GRM5: variants seen among roughly 807,000 people sequenced by gnomAD.
The protein encoded by GRM5 is glutamate metabotropic receptor 5, also known as metabotropic glutamate receptor 5.
A neutral mutation model predicts 83.1 loss-of-function variants in GRM5; 19 were observed. The ratio of observed to expected loss-of-function variants is 0.23; its 90% confidence interval spans 0.16 to 0.34. The LOEUF (loss-of-function observed/expected upper bound fraction) is 0.34. Ranked by LOEUF, GRM5 falls within the 10% of genes least tolerant of loss-of-function variation. The pLI, the probability that GRM5 is intolerant of heterozygous loss-of-function variation, is 1.00. For synonymous variants in GRM5, 675 were observed against 633.6 expected (o/e 1.07, Z -0.98); for missense variants, 1,160 against 1,588.3 (o/e 0.73, Z 4.58).
intron 2 of GRM5, chr11:88,911,979 C>T (rs1168439773): frequency 2.1e-6 from 1 of 465,310 alleles, no homozygotes; most frequent in African/African-American, 2.0e-5. Flanking sequence ...TCTTAATATA[C>T]AACCAGTAAA....
chr11:88,994,463 ATATATATAT>A (rs1940106787), intron 2 of GRM5, among the ~76,000 whole-genome samples: 1 of 100,234 alleles, frequency 1.0e-5, no homozygotes, highest in African/African-American at 3.8e-5. Flanking sequence ...ATATATATAT[ATATATATAT>A]ATATATATAT....
At chr11:88,954,040 T>C (rs1229665276) in intron 2 of GRM5, among the ~76,000 whole-genome samples, 2 of 152,226 alleles carry the variant, frequency 1.3e-5, no homozygotes, top group Non-Finnish European at 2.9e-5. Flanking sequence ...ATAAAATTAC[T>C]GTTCAAAGAA....
At chr11:88,514,289 T>C (rs1385616217) in intron 9 of GRM5, among the ~76,000 whole-genome samples, 1 of 152,178 alleles carries the variant, frequency 6.6e-6, no homozygotes, top group Non-Finnish European at 1.5e-5. Context: ...AAGTTTTTTG[T>C]TTATTTGTTT....
At position 88,885,450 on chromosome 11, in the gene GRM5, G is replaced by GGTTTTTTTTTTTTTTTTTTTTTTTTTTT. The variant is rs1945027301; in HGVS notation, c.662-35296_662-35295insAAAAAAAAAAAAAAAAAAAAAAAAAAAC. Among the ~76,000 whole-genome samples the GGTTTTTTTTTTTTTTTTTTTTTTTTTTT allele has an allele frequency of 9.6e-5, 6 of 62,666 alleles. 3 individuals are homozygous for GGTTTTTTTTTTTTTTTTTTTTTTTTTTT. Among genetic ancestry groups the GGTTTTTTTTTTTTTTTTTTTTTTTTTTT allele is most frequent in the African/African-American group, 2.4e-4 (4 of 16,858 alleles). 41.1% of individuals were successfully genotyped at this position (62,666 alleles called of 152,430 possible). A position where few individuals can be genotyped will look rare whatever the true frequency, so the allele number is the denominator to read the frequency against. On this transcript the variant is annotated intron_variant, in intron 2 of 9. Coordinates refer to ENST00000305447, the MANE Select transcript of GRM5 (RefSeq NM_001143831.3). ...TTCTGAATTCTATAGTAGGTACCAT[G>GGTTTTTTTTTTTTTTTTTTTTTTTTTTT]TTTTTTTTTTTTTTTTTTTTTTTTT...
intron 3 of GRM5, among the ~76,000 whole-genome samples, chr11:88,686,057 C>T (rs571086183): frequency 5.9e-5 from 9 of 152,162 alleles, no homozygotes; most frequent in South Asian, 2.1e-4. Context: ...CAGCTTGCAT[C>T]GTCTCCCTGA....
At chr11:89,020,613 AATCT>A (rs1274205760) in intron 2 of GRM5, among the ~76,000 whole-genome samples, 1 of 152,174 alleles carries the variant, frequency 6.6e-6, no homozygotes, top group Admixed American at 6.5e-5. Flanking sequence ...AACTCCATAT[AATCT>A]GGTCTACATG....
chr11:88,658,440 A>C (rs942168276), intron 3 of GRM5, among the ~76,000 whole-genome samples: 5 of 152,174 alleles, frequency 3.3e-5, no homozygotes, highest in African/African-American at 1.2e-4. Context: ...GTATATTTTG[A>C]AGAAAATGCA....
At chr11:88,846,785 C>T (rs1399195567) in intron 3 of GRM5, among the ~76,000 whole-genome samples, 1 of 151,078 alleles carries the variant, frequency 6.6e-6, no homozygotes, top group Non-Finnish European at 1.5e-5. Flanking sequence ...TATCTGTAAA[C>T]AAAATAACAC....
At chr11:88,801,911 G>A (rs1700610571) in intron 3 of GRM5, among the ~76,000 whole-genome samples, 1 of 152,026 alleles carries the variant, frequency 6.6e-6, no homozygotes, top group Admixed American at 6.6e-5. Context: ...GCTGAGCAGA[G>A]GTTAACCCTT....
chr11:88,755,968 T>G (rs1211044808), intron 3 of GRM5, among the ~76,000 whole-genome samples: 1 of 152,064 alleles, frequency 6.6e-6, no homozygotes, highest in Non-Finnish European at 1.5e-5. Flanking sequence ...AAAATATGAC[T>G]CTACAAAAAC....
intron 4 of GRM5, among the ~76,000 whole-genome samples, chr11:88,648,089 A>C (rs1786930851): frequency 6.6e-6 from 1 of 152,142 alleles, no homozygotes; most frequent in Non-Finnish European, 1.5e-5. Flanking sequence ...TGTGGAAGTC[A>C]GTGTGGCGAT....
intron 3 of GRM5, among the ~76,000 whole-genome samples, chr11:88,804,831 GT>G (rs1943471976): frequency 1.3e-5 from 2 of 152,112 alleles, no homozygotes; most frequent in Admixed American, 1.3e-4. Flanking sequence ...ACATAGGAGG[GT>G]GGCAGAGGAT....
intron 4 of GRM5, among the ~76,000 whole-genome samples, chr11:88,630,808 C>T (rs1251125423): frequency 6.6e-6 from 1 of 152,074 alleles, no homozygotes; most frequent in Non-Finnish European, 1.5e-5. Flanking sequence ...GAACTCGTGA[C>T]CTCAGGTGAT....
At chr11:88,937,317 G>A (rs1937935444) in intron 2 of GRM5, among the ~76,000 whole-genome samples, 1 of 151,620 alleles carries the variant, frequency 6.6e-6, no homozygotes, top group African/African-American at 2.4e-5. Context: ...TATAGAGTAT[G>A]AAAAACTTAT....
At chr11:88,563,941 T>G (rs1235332785) in intron 8 of GRM5, among the ~76,000 whole-genome samples, 2 of 152,180 alleles carry the variant, frequency 1.3e-5, no homozygotes, top group African/African-American at 4.8e-5. Context: ...AATATTTAGT[T>G]TTGGAGCTCA....
rs1437816900 is a variant in GRM5, at chr11:88,882,275, A to T, written c.662-32120T>A. On this transcript the variant is annotated intron_variant, in intron 2 of 9. Coordinates refer to ENST00000305447, the MANE Select transcript of GRM5 (RefSeq NM_001143831.3). The stretch of plus-strand genomic sequence containing the variant: ...AAATAAATAAATAAATAAATAATAA[A>T]AAGAAAAATATCATGCCTGTAATCC... Among the ~76,000 whole-genome samples, 11 of 151,364 alleles carry T rather than the reference A, an allele frequency of 7.3e-5. No individual in the cohort carries two copies. The South Asian group carries it at 1.9e-3, about 26-fold the overall frequency.
intron 2 of GRM5, among the ~76,000 whole-genome samples, chr11:88,901,349 C>T (rs905582931): frequency 1.3e-5 from 2 of 152,146 alleles, no homozygotes; most frequent in Non-Finnish European, 2.9e-5. Flanking sequence ...TGATATCCTT[C>T]TTTCTCTTTT....
chr11:88,707,218 T>C (rs1412465229), intron 3 of GRM5, among the ~76,000 whole-genome samples: 1 of 152,152 alleles, frequency 6.6e-6, no homozygotes, highest in Non-Finnish European at 1.5e-5. Flanking sequence ...TCTTTATCTG[T>C]AAAATATTAC....
At chr11:88,853,215 G>A (rs776067980) in intron 2 of GRM5, among the ~76,000 whole-genome samples, 1 of 152,114 alleles carries the variant, frequency 6.6e-6, no homozygotes, top group Non-Finnish European at 1.5e-5. Flanking sequence ...CAGGTATAAC[G>A]ATGCAAATGT....
Sources: allele counts gnomAD v4.1 joint callset (sites outside exome capture counted in the v4.1 genomes callset), GRCh38; gene constraint gnomAD v4.1.1; transcripts MANE v1.5; gene names NCBI Gene and HGNC (gene_info 2026-07-23, HGNC 2026-07-21).